The following LTBP1 variants were observed in gnomAD, a reference collection of about 807,000 sequenced individuals.
LTBP1 encodes the protein latent-transforming growth factor beta-binding protein 1.
In LTBP1, 129 loss-of-function variants were observed where a neutral mutation model predicts 207.6. The ratio of observed to expected loss-of-function variants is 0.62; its 90% CI spans 0.54 to 0.72. The LOEUF (loss-of-function observed/expected upper bound fraction) is 0.72. Ranked by LOEUF, LTBP1 falls within the 30% of genes least tolerant of loss-of-function variation. The pLI, the probability that LTBP1 is intolerant of heterozygous loss-of-function variation, is 0.00. For missense variants in LTBP1, 2,281 were observed against 2,217.2 expected (o/e 1.03, Z -0.58); for synonymous variants, 963 against 833.7 (o/e 1.16, Z -2.67).
chr2:33,370,093 T>C (rs1441218246), intron 31 of LTBP1, among the ~76,000 whole-genome samples: 3 of 117,492 alleles, frequency 2.6e-5, no homozygotes, highest in South Asian at 4.6e-4. Flanking sequence ...GAAAATAATA[T>C]CTGCCTTTCA....
At position 33,370,675 on chromosome 2, in the gene LTBP1, T is replaced by C. The variant is rs568620064; in HGVS notation, c.4711+5172T>C. On this transcript the variant is annotated intron_variant, in intron 31 of 33. Transcript: ENST00000404816. ...CCATTGAACCTTTTAAATATACTGT[T>C]CCCGGATATCTTAATCGTTGAGAAG... is the stretch of plus-strand genomic sequence containing the variant. 2.0e-5 allele frequency among the ~76,000 whole-genome samples: 3 copies of C among 152,346 alleles called. No homozygotes were observed. In the East Asian group the frequency reaches 5.8e-4, roughly 29 times the overall value.
At chr2:33,099,271 G>GA (rs796868451) in intron 3 of LTBP1, among the ~76,000 whole-genome samples, 7 of 151,836 alleles carry the variant, frequency 4.6e-5, no homozygotes, top group Middle Eastern at 3.4e-3. Context: ...AATTGTAATA[G>GA]AAAAAAAACA....
chr2:33,261,271 A>C (rs1175357378), intron 13 of LTBP1, among the ~76,000 whole-genome samples: 1 of 152,188 alleles, frequency 6.6e-6, no homozygotes, highest in Non-Finnish European at 1.5e-5. Flanking sequence ...GCAGTAGTGG[A>C]TTAACACCTG....
Position 33,324,346 on chromosome 2 carries a change from G to A in LTBP1, c.3730+9077G>A, listed in dbSNP as rs929105699. 4.0e-5 allele frequency among the ~76,000 whole-genome samples: 6 copies of A among 151,452 alleles called. No individual in the cohort carries two copies. In the South Asian group the frequency reaches 1.3e-3, roughly 32 times the overall value. Reference sequence around the variant, plus strand: ...TATATTATTACTATTAATTCTTACTGTGCCTAATTTATAAATTAAACTTTA... The same window carrying A: ...TATATTATTACTATTAATTCTTACTATGCCTAATTTATAAATTAAACTTTA... On this transcript the variant is annotated intron_variant, in intron 24 of 33. Transcript: ENST00000404816.
At chr2:33,378,004 A>G (rs2095163674) in intron 31 of LTBP1, among the ~76,000 whole-genome samples, 1 of 152,208 alleles carries the variant, frequency 6.6e-6, no homozygotes. Context: ...GGGTGGGGAC[A>G]CAAAGTCAAA....
chr2:33,388,755 A>C (rs1228254167), intron 31 of LTBP1, among the ~76,000 whole-genome samples: 2 of 152,182 alleles, frequency 1.3e-5, no homozygotes, highest in Non-Finnish European at 1.5e-5. Context: ...AGATATATTT[A>C]TTCCTGTCTC....
chr2:32,985,126 T>C (rs1683343479), intron 2 of LTBP1, among the ~76,000 whole-genome samples: 1 of 152,208 alleles, frequency 6.6e-6, no homozygotes, highest in Non-Finnish European at 1.5e-5. Flanking sequence ...TAACTACTAG[T>C]ATTAAAAACA....
chr2:33,139,003 C>G (rs1047265437), intron 5 of LTBP1, among the ~76,000 whole-genome samples: 2 of 150,766 alleles, frequency 1.3e-5, no homozygotes, highest in Non-Finnish European at 3.0e-5. Context: ...GGACTACAGG[C>G]GCCCGCTACC....
intron 4 of LTBP1, among the ~76,000 whole-genome samples, chr2:33,132,972 G>A (rs1360207619): frequency 6.6e-6 from 1 of 152,166 alleles, no homozygotes. Flanking sequence ...CCAGATTTCA[G>A]CTCAATAAAA....
intron 7 of LTBP1, among the ~76,000 whole-genome samples, chr2:33,211,105 G>A: frequency 6.6e-6 from 1 of 151,998 alleles, no homozygotes; most frequent in East Asian, 1.9e-4. Context: ...TACATGTAAT[G>A]AAGACAATTA....
chr2:33,318,716 A>G (rs2094309404), intron 24 of LTBP1, among the ~76,000 whole-genome samples: 1 of 152,174 alleles, frequency 6.6e-6, no homozygotes, highest in Non-Finnish European at 1.5e-5. Context: ...CTTTCACGCT[A>G]TAGCCAGAGC....
intron 19 of LTBP1, among the ~76,000 whole-genome samples, chr2:33,288,394 T>G (rs2093706725): frequency 6.6e-6 from 1 of 152,106 alleles, no homozygotes; most frequent in Admixed American, 6.5e-5. Context: ...AAGGGAAATT[T>G]TAAATTTTAA....
intron 24 of LTBP1, among the ~76,000 whole-genome samples, chr2:33,334,059 AG>A (rs2149521005): frequency 6.6e-6 from 1 of 152,352 alleles, no homozygotes; most frequent in East Asian, 1.9e-4. Context: ...CTCTACTAAG[AG>A]GACAAGAAGA....
chr2:33,230,619 A>G (rs545262518), intron 9 of LTBP1, among the ~76,000 whole-genome samples: 2 of 152,344 alleles, frequency 1.3e-5, no homozygotes, highest in Non-Finnish European at 2.9e-5. Flanking sequence ...AAGAGCTCCT[A>G]CGTCCATGCT....
At chr2:33,042,721 C>A (rs886441395) in intron 3 of LTBP1, among the ~76,000 whole-genome samples, 9 of 152,150 alleles carry the variant, frequency 5.9e-5, no homozygotes, top group African/African-American at 2.2e-4. Context: ...CTGATCTAAG[C>A]AGATACTTTT....
chr2:33,213,030 G>A (rs1202141133), intron 7 of LTBP1, among the ~76,000 whole-genome samples: 16 of 152,090 alleles, frequency 1.1e-4, no homozygotes, highest in African/African-American at 9.7e-5. Flanking sequence ...TAGTCTCACC[G>A]TTCCGCCTTT....
At chr2:33,172,358 T>C (rs2085543254) in intron 5 of LTBP1, among the ~76,000 whole-genome samples, 1 of 152,044 alleles carries the variant, frequency 6.6e-6, no homozygotes, top group Non-Finnish European at 1.5e-5. Context: ...GCAATCCTAG[T>C]CTCTGATAAA....
rs564580434 is a variant in LTBP1 at position 33,270,535 on chromosome 2, A to G, written c.2618-3121A>G. Among the ~76,000 whole-genome samples, 432 of 142,242 alleles carry G rather than the reference A, an allele frequency of 3.0e-3. 2 individuals carry two copies. Among genetic ancestry groups the G allele is most frequent in the African/African-American group, 0.011 (415 of 38,166 alleles). 93.3% of individuals were successfully genotyped at this position (142,242 alleles called of 152,430 possible). ...AACCCGGGAGGCAGAGCTTGCACTG[A>G]GCCGAGATCGTGCCACTGCACTCCA... On this transcript the variant is annotated intron_variant, in intron 15 of 33. Transcript: ENST00000404816.
At chr2:33,038,089 G>C (rs1201609143) in intron 3 of LTBP1, among the ~76,000 whole-genome samples, 1 of 152,194 alleles carries the variant, frequency 6.6e-6, no homozygotes, top group Non-Finnish European at 1.5e-5. Context: ...GTCTCCTAGT[G>C]GGGTACTACC....
Sources: gnomAD v4.1 joint callset for allele counts (sites outside exome capture counted in the v4.1 genomes callset) on GRCh38, gnomAD v4.1.1 for gene constraint, MANE v1.5 for transcripts, NCBI Gene and HGNC (gene_info 2026-07-23, HGNC 2026-07-21) for gene names.